Variants in ASIC2 observed in about 807,000 individuals in gnomAD.
ASIC2 encodes acid sensing ion channel subunit 2, also known as acid-sensing ion channel 2.
ASIC2 carries 25 observed loss-of-function variants against 57.3 expected under a neutral mutation model. The ratio of observed to expected loss-of-function variants is 0.44; its 90% CI spans 0.32 to 0.61. The LOEUF is 0.61. Ranked by LOEUF, ASIC2 falls within the 20% of genes least tolerant of loss-of-function variation. The pLI is 0.06. For synonymous variants in ASIC2, 319 were observed against 307.5 expected, an observed-to-expected ratio of 1.04 and a Z score of -0.39; for missense variants, 641 against 738.1, an observed-to-expected ratio of 0.87 and a Z score of 1.52.
intron 1 of ASIC2, among the ~76,000 whole-genome samples, chr17:33,921,704 CT>C (rs752245552): frequency 2.6e-5 from 4 of 152,242 alleles, no homozygotes; most frequent in South Asian, 4.2e-4. Flanking sequence ...CTTAAAGATC[CT>C]TGTGCAAAAT....
At chr17:33,333,221 T>C (rs982813368) in intron 1 of ASIC2, among the ~76,000 whole-genome samples, 6 of 152,164 alleles carry the variant, frequency 3.9e-5, no homozygotes, top group African/African-American at 1.4e-4. Flanking sequence ...AATCAGGAGA[T>C]ATAAAAAAAT....
intron 1 of ASIC2, among the ~76,000 whole-genome samples, chr17:33,957,597 C>T (rs1254447647): frequency 4.6e-5 from 7 of 152,138 alleles, no homozygotes; most frequent in Admixed American, 4.6e-4. Context: ...GACTTATTCT[C>T]TATCATGAGA....
intron 1 of ASIC2, among the ~76,000 whole-genome samples, chr17:33,717,325 G>A (rs1056535324): frequency 2.0e-5 from 3 of 152,232 alleles, no homozygotes; most frequent in African/African-American, 7.2e-5. Context: ...TATAGGTAGA[G>A]AGCAAAGGCA....
chr17:33,734,755 G>A (rs1354913648), intron 1 of ASIC2, among the ~76,000 whole-genome samples: 1 of 152,144 alleles, frequency 6.6e-6, no homozygotes, highest in Non-Finnish European at 1.5e-5. Context: ...ACAGAGAAAA[G>A]ACCATTTGAG....
chr17:33,947,977 C>T (rs1904437983), intron 1 of ASIC2, among the ~76,000 whole-genome samples: 2 of 152,160 alleles, frequency 1.3e-5, no homozygotes, highest in Non-Finnish European at 2.9e-5. Context: ...TAACTAAGCA[C>T]TATATTATTT....
intron 1 of ASIC2, among the ~76,000 whole-genome samples, chr17:33,337,831 G>A (rs911008642): frequency 6.6e-6 from 1 of 151,796 alleles, no homozygotes; most frequent in Non-Finnish European, 1.5e-5. Flanking sequence ...TTCTGGAAGG[G>A]CAAAGAAAAT....
chr17:33,145,819 G>A (rs1312997023), intron 1 of ASIC2, among the ~76,000 whole-genome samples: 1 of 152,154 alleles, frequency 6.6e-6, no homozygotes, highest in Non-Finnish European at 1.5e-5. Flanking sequence ...TGTCTATGCA[G>A]GAGGCTTTCT....
chr17:33,130,690 T>A lies in ASIC2; in HGVS notation c.709-18623A>T, dbSNP rs541093304. 2.0e-5 allele frequency among the ~76,000 whole-genome samples: 3 copies of A among 152,258 alleles called. No homozygotes were observed. In the South Asian group the frequency reaches 6.2e-4, roughly 32 times the overall value. On this transcript the variant is annotated intron_variant, in intron 1 of 9. Coordinates refer to ENST00000225823, the MANE Select transcript of ASIC2 (RefSeq NM_183377.2). ...GGCCTGGATCCTCACTTTTTCCTCCTGGAGGGGGGGACTTGGCTGGAGTCT... is the reference window on the plus strand; with the variant it reads ...GGCCTGGATCCTCACTTTTTCCTCCAGGAGGGGGGGACTTGGCTGGAGTCT...
At chr17:33,138,528 T>C (rs928837160) in intron 1 of ASIC2, among the ~76,000 whole-genome samples, 3 of 152,208 alleles carry the variant, frequency 2.0e-5, no homozygotes, top group Non-Finnish European at 2.9e-5. Context: ...AGTACACTTC[T>C]TCCTGCCAAG....
At chr17:33,703,240 G>C (rs887765679) in intron 1 of ASIC2, among the ~76,000 whole-genome samples, 6 of 152,098 alleles carry the variant, frequency 3.9e-5, no homozygotes, top group Non-Finnish European at 8.8e-5. Flanking sequence ...GGAGAGATGG[G>C]AGCTATAGTT....
At chr17:33,329,852 C>A (rs927407499) in intron 1 of ASIC2, among the ~76,000 whole-genome samples, 1 of 152,092 alleles carries the variant, frequency 6.6e-6, no homozygotes, top group East Asian at 1.9e-4. Flanking sequence ...CCAGGTAGGT[C>A]ATTGGATCTG....
intron 1 of ASIC2, among the ~76,000 whole-genome samples, chr17:34,149,007 TAGG>T (rs1233032694): frequency 1.4e-4 from 22 of 152,162 alleles, no homozygotes; most frequent in African/African-American, 4.8e-4. Context: ...CATGGCTGAA[TAGG>T]AGTACTCCCA....
chr17:33,916,339 G>T (rs1223955035), intron 1 of ASIC2, among the ~76,000 whole-genome samples: 1 of 152,100 alleles, frequency 6.6e-6, no homozygotes, highest in Non-Finnish European at 1.5e-5. Flanking sequence ...CTAAGTACCG[G>T]TAGGTACTTA....
chr17:33,730,696 G>A (rs944661015), intron 1 of ASIC2, among the ~76,000 whole-genome samples: 1 of 152,200 alleles, frequency 6.6e-6, no homozygotes, highest in African/African-American at 2.4e-5. Context: ...GCTTCAAGGA[G>A]AACTTCAACT....
At chr17:33,982,714 G>A (rs373146619) in intron 1 of ASIC2, among the ~76,000 whole-genome samples, 4 of 152,168 alleles carry the variant, frequency 2.6e-5, no homozygotes, top group African/African-American at 7.2e-5. Context: ...TCTCCTCTGG[G>A]AAGCATGCTT....
At chr17:33,983,731 G>A (rs1461441299) in intron 1 of ASIC2, among the ~76,000 whole-genome samples, 5 of 152,180 alleles carry the variant, frequency 3.3e-5, no homozygotes, top group African/African-American at 1.2e-4. Flanking sequence ...TATGTCAGCG[G>A]CTCTCAACTG....
At chr17:33,206,620 A>G (rs1195690309) in intron 1 of ASIC2, among the ~76,000 whole-genome samples, 1 of 152,102 alleles carries the variant, frequency 6.6e-6, no homozygotes, top group Non-Finnish European at 1.5e-5. Flanking sequence ...ATCCCCAGAC[A>G]AGCACTCAGC....
At chr17:33,076,313 G>A (rs1480510135) in intron 3 of ASIC2, among the ~76,000 whole-genome samples, 5 of 152,226 alleles carry the variant, frequency 3.3e-5, no homozygotes, top group Non-Finnish European at 5.9e-5. Context: ...GGGGCAGTCC[G>A]GGTAGGAGGC....
chr17:33,170,453 G>GA (rs938647457), intron 1 of ASIC2, among the ~76,000 whole-genome samples: 1 of 152,058 alleles, frequency 6.6e-6, no homozygotes, highest in African/African-American at 2.4e-5. Flanking sequence ...GCACAAGTAG[G>GA]AAAAAAATCT....
Sources: gnomAD v4.1 joint callset for allele counts (sites outside exome capture counted in the v4.1 genomes callset) on GRCh38, gnomAD v4.1.1 for gene constraint, MANE v1.5 for transcripts, NCBI Gene and HGNC (gene_info 2026-07-23, HGNC 2026-07-21) for gene names.